ALS2CL: variants seen among roughly 807,000 people sequenced by gnomAD.
ALS2CL encodes the protein ALS2 C-terminal-like protein.
A neutral mutation model predicts 127.9 loss-of-function variants in ALS2CL; 112 were observed. That is an observed-to-expected ratio of 0.88 (90% CI 0.75 to 1.02). ALS2CL has a LOEUF of 1.02. Ranked by LOEUF, ALS2CL falls within the 50% of genes least tolerant of loss-of-function variation. The pLI, the probability that ALS2CL is intolerant of heterozygous loss-of-function variation, is 0.00. For synonymous variants in ALS2CL, 519 were observed against 527.6 expected (o/e 0.98, Z 0.22); for missense variants, 1,174 against 1,236.7 (o/e 0.95, Z 0.76).
chr3:46,669,449 C>T lies in ALS2CL; in HGVS notation c.*1535G>A, dbSNP rs1698234218. On this transcript the variant is annotated 3_prime_UTR_variant, in exon 26 of 26. Coordinates refer to ENST00000318962, the MANE Select transcript of ALS2CL (RefSeq NM_147129.5). ...GGGAAGTGTGCTGGGGTCCCGTCAG[C>T]ATCGCATGAACTCAGGGATGGCTGC... The T allele has an allele frequency of 6.6e-6, 1 of 152,320 alleles. No homozygotes were observed. The highest frequency in any genetic ancestry group is 6.5e-5 in the Admixed American group (1 of 15,286). The allele number at this position is 152,320 out of a possible 1,614,324, so 9.4% of individuals were successfully genotyped here. A position where few individuals can be genotyped will look rare whatever the true frequency, so the allele number is the denominator to read the frequency against.
chr3:46,678,146 A>T, intron 16 of ALS2CL, 113 bp downstream of exon 16: 1 of 1,209,512 alleles, frequency 8.3e-7, no homozygotes, highest in Non-Finnish European at 1.1e-6. Flanking sequence ...GGAACTCTCT[A>T]GAGGGCTAAG....
intron 16 of ALS2CL, chr3:46,677,449 T>C (rs1698951609): frequency 2.0e-6 from 2 of 976,178 alleles, no homozygotes; most frequent in South Asian, 7.9e-5. Context: ...GGGGCCTGGC[T>C]GCGCATGTCT....
At chr3:46,688,321 G>A (rs1295120822) in intron 2 of ALS2CL, 25 bp from the exon 3 acceptor site, 2 of 1,604,900 alleles carry the variant, frequency 1.2e-6, no homozygotes, top group Non-Finnish European at 1.7e-6. Flanking sequence ...CAGTCACACT[G>A]TGAGTAGAGG....
rs1404837014 is a variant in ALS2CL at position 46,669,169 on chromosome 3, C to G, written c.*1815G>C. ...CCTCAGCCTCCCGAGTAGCTGGGAC[C>G]ACAGGCACACACCAACACACCCAGC... On this transcript the variant is annotated 3_prime_UTR_variant, in exon 26 of 26. Transcript: ENST00000318962. The G allele has an allele frequency of 6.6e-6, 1 of 152,004 alleles. No homozygotes were observed. The highest frequency in any genetic ancestry group is 2.4e-5 in the African/African-American group (1 of 41,400). 9.4% of individuals were successfully genotyped at this position (152,004 alleles called of 1,614,324 possible). A position where few individuals can be genotyped will look rare whatever the true frequency, so the allele number is the denominator to read the frequency against.
At position 46,687,294 on chromosome 3, in the gene ALS2CL, C is replaced by T. The variant is rs897742744; in HGVS notation, c.369-146G>A. 1.7e-5 allele frequency: 15 copies of T among 887,886 alleles called. No homozygotes were observed. In the African/African-American group the frequency reaches 2.4e-4, roughly 14 times the overall value. The allele number at this position is 887,886 out of a possible 1,614,324, so 55.0% of individuals were successfully genotyped here. A position where few individuals can be genotyped will look rare whatever the true frequency, so the allele number is the denominator to read the frequency against. On this transcript the variant is annotated intron_variant, in intron 4 of 25. Coordinates refer to ENST00000318962, the MANE Select transcript of ALS2CL (RefSeq NM_147129.5). ...TCTACCCTATCAGATCAACACAGTACCTGAGTTGCCCTCACAGGTTTAAGA... is the reference window on the plus strand; with the variant it reads ...TCTACCCTATCAGATCAACACAGTATCTGAGTTGCCCTCACAGGTTTAAGA...
In ALS2CL at chr3:46,672,166, T is replaced by C; in HGVS notation, c.2508A>G (p.Ser836=). The C allele has an allele frequency of 6.2e-7, 1 of 1,614,078 alleles. No individual in the cohort carries two copies. The highest frequency in any genetic ancestry group is 8.5e-7 in the Non-Finnish European group (1 of 1,180,020). ...YSLVRDKCFL[S]ATECLQKIMT... The stretch of plus-strand genomic sequence containing the variant: ...TGATCTTCTGCAGGCACTCGGTGGC[T>C]GACAGGAAACACTTGTCCCTGACCA... The change falls in exon 23 of 26, where the codon TCA becomes TCG. Residue 836 remains serine, a synonymous_variant. Coordinates refer to ENST00000318962, the MANE Select transcript of ALS2CL (RefSeq NM_147129.5).
chr3:46,688,320 T>C, intron 2 of ALS2CL, 24 bp from the exon 3 acceptor site: 1 of 1,607,708 alleles, frequency 6.2e-7, no homozygotes, highest in African/African-American at 1.3e-5. Flanking sequence ...ACAGTCACAC[T>C]GTGAGTAGAG....
chr3:46,676,823 G>C, intron 17 of ALS2CL, 26 bp downstream of exon 17: 2 of 1,582,098 alleles, frequency 1.3e-6, no homozygotes, highest in South Asian at 2.2e-5. Context: ...ACCCTAACCT[G>C]TGCATGCTCA....
At chr3:46,682,305 G>A (rs776863775) in intron 10 of ALS2CL, among the ~76,000 whole-genome samples, 69 of 152,120 alleles carry the variant, frequency 4.5e-4, no homozygotes, top group Non-Finnish European at 5.6e-4. Context: ...AGCCTCATGG[G>A]GCACACTCAC....
Position 46,686,329 on chromosome 3 carries a change from G to A in ALS2CL, c.645C>T (p.His215=), listed in dbSNP as rs150523702. ...DQAVATQALW[H]TLRGRLRDVL... The stretch of plus-strand genomic sequence containing the variant: ...TCACCCTCAGCCGGCCTCTCAGGGT[G>A]TGCCAGAGAGCCTGTGTGGCCACAG... The change falls in exon 6 of 26, where the codon CAC becomes CAT. Residue 215 remains histidine (H), a synonymous_variant. Coordinates refer to ENST00000318962, the MANE Select transcript of ALS2CL (RefSeq NM_147129.5). This position sits in a 1 kb window ranked among gnomAD's most constrained non-coding sequence, Gnocchi z 4.3. 0.011 allele frequency: 18,189 copies of A among 1,612,630 alleles called. 122 individuals carry two copies. The highest frequency in any genetic ancestry group is 0.013 in the Non-Finnish European group (15,260 of 1,179,432).
intron 10 of ALS2CL, among the ~76,000 whole-genome samples, chr3:46,682,550 T>G (rs78835904): frequency 0.049 from 7,465 of 152,268 alleles, 320 homozygotes; most frequent in South Asian, 0.13. Context: ...TGTAGCCTTG[T>G]GAGTCCCTTC....
intron 17 of ALS2CL, 38 bp from the exon 18 acceptor site, chr3:46,676,776 G>T: frequency 6.2e-7 from 1 of 1,612,292 alleles, no homozygotes; most frequent in Non-Finnish European, 8.5e-7. Flanking sequence ...CCACACCTCG[G>T]CCCAGCCCCC....
chr3:46,681,980 C>A lies in ALS2CL; in HGVS notation c.1175+49G>T, dbSNP rs1348800986. 4 of 1,596,974 alleles carry A rather than the reference C, an allele frequency of 2.5e-6. No homozygotes were observed. Among genetic ancestry groups the A allele is most frequent in the Non-Finnish European group, 3.4e-6 (4 of 1,168,136 alleles). On this transcript the variant is annotated intron_variant, in intron 11 of 25. Transcript: ENST00000318962. This position sits in a 1 kb window ranked among gnomAD's most constrained non-coding sequence, Gnocchi z 4.9. ...GTGACCACAGCAGGGGAGGAAAGCA[C>A]CCTTCAGCCCACTGCACGCCTCCCA...
Position 46,669,290 on chromosome 3 carries a change from C to T in ALS2CL, c.*1694G>A, listed in dbSNP as rs1342759356. The T allele has an allele frequency of 3.9e-5, 6 of 152,332 alleles. No homozygotes were observed. The highest frequency in any genetic ancestry group is 1.5e-5 in the Non-Finnish European group (1 of 68,150). 9.4% of individuals were successfully genotyped at this position (152,332 alleles called of 1,614,324 possible). A position where few individuals can be genotyped will look rare whatever the true frequency, so the allele number is the denominator to read the frequency against. On this transcript the variant is annotated 3_prime_UTR_variant, in exon 26 of 26. Transcript: ENST00000318962. ...TTTCCAGCAGCCTTCCTGCCTCAGCCTCCCAAAGTGAGCCACTGTGCCCAG... is the reference window on the plus strand; with the variant it reads ...TTTCCAGCAGCCTTCCTGCCTCAGCTTCCCAAAGTGAGCCACTGTGCCCAG...
chr3:46,690,808 G>T (rs972551640), intron 1 of ALS2CL, among the ~76,000 whole-genome samples: 1 of 152,312 alleles, frequency 6.6e-6, no homozygotes, highest in Admixed American at 6.5e-5. Context: ...GTGGGAAGGG[G>T]TCTCAGCCCT....
At chr3:46,677,139 C>A in intron 16 of ALS2CL, 117 bp from the exon 17 acceptor site, 4 of 1,479,252 alleles carry the variant, frequency 2.7e-6, no homozygotes, top group Non-Finnish European at 3.6e-6. Flanking sequence ...GATCAAGCCC[C>A]AAGAAGGGTG....
At chr3:46,675,098 G>A (rs141887353) in intron 20 of ALS2CL, 69 of 231,052 alleles carry the variant, frequency 3.0e-4, no homozygotes, top group African/African-American at 1.1e-3. Flanking sequence ...CTAGGACTCC[G>A]GGCGGGGAAT....
chr3:46,675,899 T>G, intron 19 of ALS2CL: 4 of 1,434,196 alleles, frequency 2.8e-6, no homozygotes. Context: ...CATCTAAGGC[T>G]TCTATTTGCA....
chr3:46,681,462 G>A lies in ALS2CL; in HGVS notation c.1274+38C>T. Reference sequence around the variant, plus strand: ...CCTCATGGAGCTCAGCCCAGAGGATGGGCCCAGCCCATGAACCCCCCAGCC... The same window carrying A: ...CCTCATGGAGCTCAGCCCAGAGGATAGGCCCAGCCCATGAACCCCCCAGCC... On this transcript the variant is annotated intron_variant, in intron 12 of 25. Transcript: ENST00000318962. This position sits in a 1 kb window ranked among gnomAD's most constrained non-coding sequence, Gnocchi z 4.9. 1.2e-6 allele frequency: 2 copies of A among 1,613,630 alleles called. No individual in the cohort carries two copies. Among genetic ancestry groups the A allele is most frequent in the African/African-American group, 2.7e-5 (2 of 75,030 alleles).
Sources: allele counts gnomAD v4.1 joint callset (sites outside exome capture counted in the v4.1 genomes callset), GRCh38; gene constraint gnomAD v4.1.1; non-coding constraint Gnocchi (gnomAD v3.1); transcripts MANE v1.5; gene names NCBI Gene and HGNC (gene_info 2026-07-23, HGNC 2026-07-21).